The following VSTM5 variants were observed in gnomAD, a reference collection of about 807,000 sequenced individuals.
VSTM5 encodes V-set and transmembrane domain-containing protein 5.
In VSTM5, 21 loss-of-function variants were observed where a neutral mutation model predicts 20.3. The observed-to-expected ratio is 1.03, with a 90% CI of 0.73 to 1.49. The LOEUF is 1.49. Among genes scored for constraint, VSTM5 ranks in the 40% most tolerant of loss-of-function variants. The pLI, the probability that VSTM5 is intolerant of heterozygous loss-of-function variation, is 0.00. For missense variants in VSTM5, 219 were observed against 250.0 expected, an observed-to-expected ratio of 0.88 and a Z score of 0.84; for synonymous variants, 100 against 102.5, an observed-to-expected ratio of 0.98 and a Z score of 0.14.
rs1944150348 is a variant in VSTM5 at position 93,818,539 on chromosome 11, G to GGC, written c.*2029_*2030insGC. On this transcript the variant is annotated 3_prime_UTR_variant, in exon 4 of 4. Transcript: ENST00000409977. ...AAACTGTCATGAGATTTGGGCGGGG[G>GGC]GGCAATTTAATTGACATCTGCCATG... 1 of 137,660 alleles carries GGC rather than the reference G, an allele frequency of 7.3e-6. No individual in the cohort carries two copies. Among genetic ancestry groups the GGC allele is most frequent in the Admixed American group, 7.4e-5 (1 of 13,538 alleles). The allele number at this position is 137,660 out of a possible 1,614,324, so 8.5% of individuals were successfully genotyped here. A position where few individuals can be genotyped will look rare whatever the true frequency, so the allele number is the denominator to read the frequency against.
rs537058245 is a variant in VSTM5 at position 93,850,509 on chromosome 11, G to C, written c.-7C>G. 9 of 1,547,632 alleles carry C rather than the reference G, an allele frequency of 5.8e-6. No individual in the cohort carries two copies. In the African/African-American group the frequency reaches 9.6e-5, roughly 16 times the overall value. On this transcript the variant is annotated 5_prime_UTR_variant, in exon 1 of 4. Transcript: ENST00000409977. ...CGCTGGGCAGAGGCCTCATGGGCGA[G>C]CCCGGGGCCTCGCGGGCCGGGGTGT...
In VSTM5 at chr11:93,849,080, A is replaced by G. The variant is rs529471269; in HGVS notation, c.91+1332T>C. On this transcript the variant is annotated intron_variant, in intron 1 of 3. Transcript: ENST00000409977. ...TAGCCAGAGAGGTGTAAAGGTCAAA[A>G]ATGTTAGATCGTTCAGTCACCTTGT... is the stretch of plus-strand genomic sequence containing the variant. 1.1e-3 allele frequency among the ~76,000 whole-genome samples: 167 copies of G among 152,300 alleles called. 1 individual carries two copies. Among genetic ancestry groups the G allele is most frequent in the African/African-American group, 3.8e-3 (157 of 41,568 alleles).
At chr11:93,824,009 G>C (rs1332010590) in intron 1 of VSTM5, among the ~76,000 whole-genome samples, 1 of 151,928 alleles carries the variant, frequency 6.6e-6, no homozygotes, top group Non-Finnish European at 1.5e-5. Flanking sequence ...CCAGGTTCAA[G>C]TGATTCTCCT....
At position 93,821,149 on chromosome 11, in the gene VSTM5, A is replaced by T; in HGVS notation, c.266T>A (p.Ile89Asn). ...VEWKPGTQAN[I>N]SQSHKDRVCT... Reference sequence around the variant, plus strand: ...GACTCTGTCCTTGTGGCTTTGAGAGATGTTGGCCTGAGTCCCTGGTTTCCA... The same window carrying T: ...GACTCTGTCCTTGTGGCTTTGAGAGTTGTTGGCCTGAGTCCCTGGTTTCCA... The change falls in exon 2 of 4, where the codon ATC (isoleucine) becomes AAC (asparagine). Residue 89 changes from isoleucine to asparagine, a missense_variant. Coordinates refer to ENST00000409977, the MANE Select transcript of VSTM5 (RefSeq NM_001144871.2). 3.9e-6 allele frequency: 6 copies of T among 1,552,078 alleles called. No homozygotes were observed. The highest frequency in any genetic ancestry group is 5.2e-6 in the Non-Finnish European group (6 of 1,147,068).
chr11:93,819,389 T>A lies in VSTM5; in HGVS notation c.*1180A>T, dbSNP rs1205408116. The A allele has an allele frequency of 6.6e-6, 1 of 152,224 alleles. No individual in the cohort carries two copies. The highest frequency in any genetic ancestry group is 1.5e-5 in the Non-Finnish European group (1 of 68,044). 9.4% of individuals were successfully genotyped at this position (152,224 alleles called of 1,614,324 possible). A position where few individuals can be genotyped will look rare whatever the true frequency, so the allele number is the denominator to read the frequency against. ...CATGGTGACCAACAACCTGAGGGAA[T>A]AATGGCCAAGGCCAGCTGTGGTCCA... is the stretch of plus-strand genomic sequence containing the variant. On this transcript the variant is annotated 3_prime_UTR_variant, in exon 4 of 4. Coordinates refer to ENST00000409977, the MANE Select transcript of VSTM5 (RefSeq NM_001144871.2).
intron 1 of VSTM5, among the ~76,000 whole-genome samples, 177 bp downstream of exon 1, chr11:93,850,235 G>A (rs1944447518): frequency 6.6e-6 from 1 of 152,008 alleles, no homozygotes; most frequent in Non-Finnish European, 1.5e-5. Context: ...GGGTCTCCAG[G>A]CCTCGCCCAG....
chr11:93,824,133 C>T (rs1944213886), intron 1 of VSTM5, among the ~76,000 whole-genome samples: 1 of 152,120 alleles, frequency 6.6e-6, no homozygotes, highest in Admixed American at 6.6e-5. Context: ...GCCTCGAACT[C>T]CCGACATCAG....
chr11:93,837,733 G>T (rs1332034125), intron 1 of VSTM5, among the ~76,000 whole-genome samples: 1 of 152,076 alleles, frequency 6.6e-6, no homozygotes, highest in African/African-American at 2.4e-5. Context: ...AACAATAAAT[G>T]GTAGGCACGG....
chr11:93,834,018 A>G (rs887916139), intron 1 of VSTM5, among the ~76,000 whole-genome samples: 15 of 152,108 alleles, frequency 9.9e-5, no homozygotes, highest in African/African-American at 3.4e-4. Flanking sequence ...ATTGCCCATC[A>G]GGATCCAAGG....
chr11:93,838,992 C>A (rs582136), intron 1 of VSTM5, among the ~76,000 whole-genome samples: 1 of 152,154 alleles, frequency 6.6e-6, no homozygotes, highest in Non-Finnish European at 1.5e-5. Context: ...ATGCTCCAGC[C>A]CCACTTAGGA....
At chr11:93,848,990 C>T (rs1309294806) in intron 1 of VSTM5, among the ~76,000 whole-genome samples, 1 of 152,216 alleles carries the variant, frequency 6.6e-6, no homozygotes, top group Non-Finnish European at 1.5e-5. Context: ...TGATCCATAG[C>T]TGCCAGAGGA....
chr11:93,831,249 G>A (rs891319943), intron 1 of VSTM5, among the ~76,000 whole-genome samples: 1 of 151,876 alleles, frequency 6.6e-6, no homozygotes, highest in Non-Finnish European at 1.5e-5. Context: ...GGCAGGTCTC[G>A]AACTCCTGGG....
rs746581173 is a variant in VSTM5, at chr11:93,820,639, T to A, written c.560-27A>T. ...TGTAAAGCAAAGACAAGTCAATGAG[T>A]TGGAAATCAAGCCACATAGTGCTTT... On this transcript the variant is annotated intron_variant, in intron 3 of 3. Transcript: ENST00000409977. 3.2e-6 allele frequency: 5 copies of A among 1,551,622 alleles called. No homozygotes were observed. The African/African-American group carries it at 6.8e-5, about 21-fold the overall frequency.
At chr11:93,843,120 G>T (rs185936385) in intron 1 of VSTM5, among the ~76,000 whole-genome samples, 7 of 151,654 alleles carry the variant, frequency 4.6e-5, no homozygotes, top group African/African-American at 1.7e-4. Context: ...AGGCACATGC[G>T]TAACTGGATA....
chr11:93,828,895 G>A (rs1944258346), intron 1 of VSTM5, among the ~76,000 whole-genome samples: 2 of 152,144 alleles, frequency 1.3e-5, no homozygotes, highest in South Asian at 4.1e-4. Context: ...CAAGTGGCAG[G>A]GAGGTGTAGT....
chr11:93,820,763 T>C lies in VSTM5; in HGVS notation c.539A>G (p.Lys180Arg), dbSNP rs1156932825. ...CNKCAYKFQR[K>R]RRHKLKESTT... ...GTTACCTTTGAGTTTGTGTCTTCTC[T>C]TCCTCTGAAATTTATATGCACACTT... The change falls in exon 3 of 4, where the codon AAG becomes AGG. Residue 180 changes from lysine (K) to arginine (R), a missense_variant. By Grantham distance (26) the Lys-to-Arg change is conservative (BLOSUM62 2). Transcript: ENST00000409977. 1 of 1,551,588 alleles carries C rather than the reference T, an allele frequency of 6.4e-7. No homozygotes were observed. The highest frequency in any genetic ancestry group is 1.4e-5 in the African/African-American group (1 of 73,042).
rs865873173 is a variant in VSTM5 at position 93,821,003 on chromosome 11, C to T, written c.412G>A (p.Val138Ile). The T allele has an allele frequency of 5.2e-6, 8 of 1,551,380 alleles. No individual in the cohort carries two copies. Among genetic ancestry groups the T allele is most frequent in the South Asian group, 1.2e-5 (1 of 84,054 alleles). Residue 138 changes from valine to isoleucine, a missense_variant, in exon 2 of 4, where the codon GTC becomes ATC. By Grantham distance (29) the Val-to-Ile change is conservative. Transcript: ENST00000409977. ...SSQFGTIVLH[V>I]SEILYEDLHF... ...GGGCCCTGGGATGTCTTACCAGAGA[C>T]GTGCAGCACGATGGTGCCAAACTGG...
intron 1 of VSTM5, chr11:93,827,492 A>G (rs1457492370): frequency 6.6e-6 from 1 of 152,244 alleles, no homozygotes; most frequent in African/African-American, 2.4e-5. Context: ...CCACGTCTGC[A>G]TCTCATGCTA....
intron 1 of VSTM5, among the ~76,000 whole-genome samples, chr11:93,834,443 C>A (rs1944306567): frequency 6.6e-6 from 1 of 152,046 alleles, no homozygotes; most frequent in Non-Finnish European, 1.5e-5. Context: ...ATCCTCTTTG[C>A]TGTGGTTTAA....
Sources: gnomAD v4.1 joint callset for allele counts (sites outside exome capture counted in the v4.1 genomes callset) on GRCh38, gnomAD v4.1.1 for gene constraint, MANE v1.5 for transcripts, NCBI Gene and HGNC (gene_info 2026-07-23, HGNC 2026-07-21) for gene names.